SLC35D4: variants seen among roughly 807,000 people sequenced by gnomAD.
SLC35D4 encodes the protein solute carrier family 35 member D4.
At chr18:23,381,366 G>A in the SLC35D4 span, among the ~76,000 whole-genome samples, 2 of 152,178 alleles carry the variant, frequency 1.3e-5, no homozygotes, top group South Asian at 2.1e-4. Flanking sequence ...TTTAGAGTCA[G>A]GGTCTCACTG....
At chr18:23,271,266 C>G in the SLC35D4 span, among the ~76,000 whole-genome samples, 1 of 152,168 alleles carries the variant, frequency 6.6e-6, no homozygotes, top group East Asian at 1.9e-4. Flanking sequence ...GTAAGGCCTC[C>G]CCAGCCATGT....
chr18:23,361,534 C>T, the SLC35D4 span, among the ~76,000 whole-genome samples: 134 of 152,268 alleles, frequency 8.8e-4, 3 homozygotes, highest in African/African-American at 3.0e-3. Flanking sequence ...ATAAGCCCGA[C>T]TTTCTGTACC....
At chr18:23,287,136 A>C in the SLC35D4 span, among the ~76,000 whole-genome samples, 2 of 151,972 alleles carry the variant, frequency 1.3e-5, no homozygotes, top group African/African-American at 4.8e-5. Flanking sequence ...CTCTCCTTAC[A>C]ATTCCCCCAT....
At chr18:23,335,122 CA>C in the SLC35D4 span, among the ~76,000 whole-genome samples, 1 of 152,084 alleles carries the variant, frequency 6.6e-6, no homozygotes, top group Non-Finnish European at 1.5e-5. Flanking sequence ...ACACTTTATA[CA>C]AATTCCACTT....
the SLC35D4 span, chr18:23,437,922 G>A: frequency 3.4e-6 from 5 of 1,479,518 alleles, no homozygotes; most frequent in East Asian, 2.5e-5. Context: ...CCCGACCCCC[G>A]CAGCAGCAGC....
chr18:23,341,772 G>A, the SLC35D4 span, among the ~76,000 whole-genome samples: 587 of 152,234 alleles, frequency 3.9e-3, 6 homozygotes, highest in African/African-American at 0.013. Context: ...ATGTACCCGA[G>A]GCTGGAAGAG....
chr18:23,260,670 TC>T, the SLC35D4 span, among the ~76,000 whole-genome samples: 1 of 150,300 alleles, frequency 6.7e-6, no homozygotes, highest in Non-Finnish European at 1.5e-5. Context: ...TGTTACCTGT[TC>T]AGCAACAAAA....
the SLC35D4 span, chr18:23,421,559 C>T: frequency 3.7e-6 from 3 of 808,222 alleles, no homozygotes; most frequent in African/African-American, 5.1e-5. Context: ...CTATTTACTA[C>T]TCTTTTCTCC....
At chr18:23,333,574 GAAT>G in the SLC35D4 span, among the ~76,000 whole-genome samples, 17,189 of 152,204 alleles carry the variant, frequency 0.11, 1,064 homozygotes, top group Middle Eastern at 0.18. Context: ...TGGCAATTTG[GAAT>G]AATAAGATCA....
chr18:23,310,893 G>T, the SLC35D4 span, among the ~76,000 whole-genome samples: 3 of 152,078 alleles, frequency 2.0e-5, no homozygotes, highest in Non-Finnish European at 4.4e-5. Flanking sequence ...TTGATTTGTA[G>T]CAAAAACCTT....
At chr18:23,297,705 C>T in the SLC35D4 span, 56 of 335,584 alleles carry the variant, frequency 1.7e-4, no homozygotes, top group Non-Finnish European at 2.6e-4. Flanking sequence ...CCTGTTTCTG[C>T]AGAACCAGCT....
the SLC35D4 span, among the ~76,000 whole-genome samples, chr18:23,285,237 C>A: frequency 6.6e-6 from 1 of 152,080 alleles, no homozygotes; most frequent in Admixed American, 6.6e-5. Flanking sequence ...GGTAAGAACC[C>A]CTGAACCCCT....
chr18:23,261,201 C>T, the SLC35D4 span, among the ~76,000 whole-genome samples: 3 of 152,334 alleles, frequency 2.0e-5, no homozygotes, highest in African/African-American at 4.8e-5. Context: ...TGGTGGCTTA[C>T]ACCTGTAGTC....
chr18:23,290,205 C>T, the SLC35D4 span, among the ~76,000 whole-genome samples: 1 of 152,224 alleles, frequency 6.6e-6, no homozygotes, highest in African/African-American at 2.4e-5. Flanking sequence ...ACGTTTCATG[C>T]CCCTGAAATT....
chr18:23,432,835 G>C, the SLC35D4 span, among the ~76,000 whole-genome samples: 2 of 151,734 alleles, frequency 1.3e-5, no homozygotes, highest in Non-Finnish European at 1.5e-5. Flanking sequence ...ACAAAAATTA[G>C]CCGGACATGG....
chr18:23,359,829 T>C, the SLC35D4 span, among the ~76,000 whole-genome samples: 1 of 152,092 alleles, frequency 6.6e-6, no homozygotes, highest in African/African-American at 2.4e-5. Context: ...AGGGGCCCCA[T>C]ACAAATAGGA....
chr18:23,376,533 A>C, the SLC35D4 span, among the ~76,000 whole-genome samples: 1 of 152,232 alleles, frequency 6.6e-6, no homozygotes, highest in African/African-American at 2.4e-5. Context: ...CTAGAGAAGA[A>C]TCCAAGGCAA....
chr18:23,372,637 A>T, the SLC35D4 span, among the ~76,000 whole-genome samples: 1 of 152,246 alleles, frequency 6.6e-6, no homozygotes, highest in Non-Finnish European at 1.5e-5. Flanking sequence ...AGAGGCTGGC[A>T]CACAGCAGAC....
chr18:23,245,230 G>A, the SLC35D4 span, among the ~76,000 whole-genome samples: 4 of 152,160 alleles, frequency 2.6e-5, no homozygotes, highest in African/African-American at 4.8e-5. Flanking sequence ...AGGATGGGCC[G>A]GGCGTAGTGC....
Sources: gnomAD v4.1 joint callset for allele counts (sites outside exome capture counted in the v4.1 genomes callset) on GRCh38, gnomAD v4.1.1 for gene constraint, MANE v1.5 for transcripts, NCBI Gene and HGNC (gene_info 2026-07-23, HGNC 2026-07-21) for gene names.